Variants in SNX18 observed in about 807,000 individuals in gnomAD.
SNX18 encodes sorting nexin-18.
In SNX18, 35 loss-of-function variants were observed where a neutral mutation model predicts 48.7. That is an observed-to-expected ratio of 0.72 (90% CI 0.55 to 0.95). SNX18 has a LOEUF of 0.95. Among genes scored for constraint, SNX18 ranks in the 40% least tolerant of loss-of-function variants. The probability of loss-of-function intolerance (pLI) is 0.00; values close to 1 mark genes in which losing one functional copy is unlikely to be tolerated. For synonymous variants in SNX18, 492 were observed against 384.7 expected (o/e 1.28, Z -3.26); for missense variants, 824 against 871.0 (o/e 0.95, Z 0.68).
intron 1 of SNX18, among the ~76,000 whole-genome samples, chr5:54,541,725 A>G (rs1314139106): frequency 1.3e-5 from 2 of 152,194 alleles, no homozygotes; most frequent in Non-Finnish European, 2.9e-5. Context: ...ATAAATGTGT[A>G]CATATGTGCA....
the SNX18 span, among the ~76,000 whole-genome samples, chr5:54,578,505 C>T: frequency 6.6e-6 from 1 of 152,198 alleles, no homozygotes; most frequent in Admixed American, 6.5e-5. Context: ...CAGCTACGTA[C>T]TTGGGAATAG....
chr5:54,632,723 T>C, the SNX18 span, among the ~76,000 whole-genome samples: 14 of 152,150 alleles, frequency 9.2e-5, no homozygotes, highest in Non-Finnish European at 1.8e-4. Flanking sequence ...TTTATATTTA[T>C]CCAAGCCACA....
chr5:54,598,716 A>G, the SNX18 span, among the ~76,000 whole-genome samples: 1 of 152,196 alleles, frequency 6.6e-6, no homozygotes, highest in Non-Finnish European at 1.5e-5. Context: ...TAAACTAGGT[A>G]TTGAAGGAAC....
the SNX18 span, among the ~76,000 whole-genome samples, chr5:54,606,285 A>T: frequency 6.6e-6 from 1 of 152,248 alleles, no homozygotes; most frequent in Non-Finnish European, 1.5e-5. Context: ...ATAAATGGTT[A>T]TCAGATAATT....
At chr5:54,588,306 C>CTTTATTTTTTTTTTTTTTTTT in the SNX18 span, among the ~76,000 whole-genome samples, 5 of 73,910 alleles carry the variant, frequency 6.8e-5, no homozygotes, top group South Asian at 5.2e-4. Context: ...TATTTCTATT[C>CTTTATTTTTTTTTTTTTTTTT]TTTTTTTTTT....
intron 1 of SNX18, among the ~76,000 whole-genome samples, chr5:54,534,268 C>G (rs17587824): frequency 0.061 from 9,122 of 149,260 alleles, 339 homozygotes; most frequent in East Asian, 0.17. Flanking sequence ...GAAAATGTAG[C>G]CTTTGGATTC....
At chr5:54,572,849 A>G in the SNX18 span, among the ~76,000 whole-genome samples, 1 of 119,948 alleles carries the variant, frequency 8.3e-6, no homozygotes, top group Non-Finnish European at 1.6e-5. Flanking sequence ...GCTGGAGTGC[A>G]GTGGTATGAT....
At chr5:54,556,855 C>T in the SNX18 span, among the ~76,000 whole-genome samples, 1 of 152,086 alleles carries the variant, frequency 6.6e-6, no homozygotes, top group African/African-American at 2.4e-5. Flanking sequence ...CACTGTGACC[C>T]ATCTTGAATA....
the SNX18 span, among the ~76,000 whole-genome samples, chr5:54,597,688 C>T: frequency 5.3e-5 from 8 of 152,186 alleles, no homozygotes; most frequent in East Asian, 1.5e-3. Context: ...TTCTTTGAAA[C>T]CAATGAAAAC....
chr5:54,562,217 G>C, the SNX18 span, among the ~76,000 whole-genome samples: 1 of 152,186 alleles, frequency 6.6e-6, no homozygotes. Context: ...CCAAGAGGAG[G>C]TGACTTGCCA....
intron 1 of SNX18, among the ~76,000 whole-genome samples, chr5:54,524,086 G>C (rs1762082239): frequency 1.3e-5 from 2 of 152,144 alleles, no homozygotes; most frequent in South Asian, 4.1e-4. Flanking sequence ...TTTACCCCCA[G>C]CTGTTCTCTA....
downstream of SNX18, among the ~76,000 whole-genome samples, chr5:54,549,368 AC>A (rs1354472453): frequency 6.6e-6 from 1 of 152,174 alleles, no homozygotes; most frequent in Non-Finnish European, 1.5e-5. Flanking sequence ...TGGTAACTTC[AC>A]CTTCTGCCCA....
At chr5:54,572,886 C>T in the SNX18 span, among the ~76,000 whole-genome samples, 72,949 of 143,502 alleles carry the variant, frequency 0.51, 19,276 homozygotes, top group Non-Finnish European at 0.59. Flanking sequence ...CTCCGCCTCC[C>T]GGGTTCAAGC....
At chr5:54,612,083 A>G in the SNX18 span, among the ~76,000 whole-genome samples, 70 of 152,154 alleles carry the variant, frequency 4.6e-4, no homozygotes, top group East Asian at 0.013. Context: ...GTCTCACTAT[A>G]TTGCCCAGAC....
chr5:54,606,594 G>C, the SNX18 span, among the ~76,000 whole-genome samples: 1 of 152,106 alleles, frequency 6.6e-6, no homozygotes, highest in Non-Finnish European at 1.5e-5. Context: ...TAATCTGAAT[G>C]AACTCTCCCT....
chr5:54,629,081 G>A, the SNX18 span, among the ~76,000 whole-genome samples: 8 of 152,330 alleles, frequency 5.3e-5, no homozygotes, highest in Non-Finnish European at 7.3e-5. Context: ...TTAAATGCCT[G>A]TGATTTGCCA....
chr5:54,575,235 C>G, the SNX18 span, among the ~76,000 whole-genome samples: 1 of 151,878 alleles, frequency 6.6e-6, no homozygotes, highest in Admixed American at 6.6e-5. Context: ...GAAAGAGATG[C>G]CCAAGGAGCC....
the SNX18 span, among the ~76,000 whole-genome samples, chr5:54,600,519 A>T: frequency 6.6e-6 from 1 of 152,254 alleles, no homozygotes; most frequent in South Asian, 2.1e-4. Flanking sequence ...TTACAAAGAT[A>T]CATGCACACA....
At chr5:54,594,629 C>T in the SNX18 span, among the ~76,000 whole-genome samples, 1 of 152,186 alleles carries the variant, frequency 6.6e-6, no homozygotes, top group African/African-American at 2.4e-5. Flanking sequence ...AAATAGCCCC[C>T]AGTTAAAACC....
Sources: allele counts gnomAD v4.1 joint callset (sites outside exome capture counted in the v4.1 genomes callset), GRCh38; gene constraint gnomAD v4.1.1; transcripts MANE v1.5; gene names NCBI Gene and HGNC (gene_info 2026-07-23, HGNC 2026-07-21).